PDZD2: variants seen among roughly 807,000 people sequenced by gnomAD.
The protein encoded by PDZD2 is PDZ domain-containing protein 2.
In PDZD2, 90 loss-of-function variants were observed where a neutral mutation model predicts 220.7. The ratio of observed to expected loss-of-function variants is 0.41; its 90% CI spans 0.34 to 0.49. PDZD2 has a LOEUF of 0.49. PDZD2 is among the 20% of genes least tolerant of loss of function. PDZD2 has a pLI of 0.28. For missense variants in PDZD2, 3,174 were observed against 3,608.5 expected, an observed-to-expected ratio of 0.88 and a Z score of 3.08; for synonymous variants, 1,375 against 1,450.5, an observed-to-expected ratio of 0.95 and a Z score of 1.18.
At chr5:31,910,048 A>G (rs1045427493) in intron 2 of PDZD2, among the ~76,000 whole-genome samples, 1 of 152,094 alleles carries the variant, frequency 6.6e-6, no homozygotes, top group Non-Finnish European at 1.5e-5. Flanking sequence ...CCTTACATGT[A>G]TTAACTCGTT....
chr5:32,077,591 C>T lies in PDZD2; in HGVS notation c.3667C>T (p.Gln1223Ter). 1 of 1,614,086 alleles carries T rather than the reference C, an allele frequency of 6.2e-7. No homozygotes were observed. The highest frequency in any genetic ancestry group is 2.2e-5 in the East Asian group (1 of 44,876). Residue 1223 changes from glutamine to a stop codon, truncating the protein, a stop_gained, in exon 19 of 25, where the codon CAA becomes TAA. Coordinates refer to ENST00000438447, the MANE Select transcript of PDZD2 (RefSeq NM_178140.4). LOFTEE classifies it high-confidence loss of function. ...GCCCAAAGCTGCATCAGAGCTGGGG[C>T]AACAACCCATGACTGGTAAGATTAT... is the stretch of plus-strand genomic sequence containing the variant. The part of the protein sequence containing the change: ...NLPKAASELG[Q>*]QPMTELDSSS...
At chr5:31,722,694 G>GTT (rs1326418281) in intron 1 of PDZD2, among the ~76,000 whole-genome samples, 3 of 137,642 alleles carry the variant, frequency 2.2e-5, no homozygotes, top group African/African-American at 2.7e-5. Flanking sequence ...TTGTTTTTTT[G>GTT]TTGTTTTTTT....
intron 2 of PDZD2, among the ~76,000 whole-genome samples, chr5:31,878,607 T>C (rs1739555149): frequency 7.9e-6 from 1 of 126,588 alleles, no homozygotes; most frequent in Non-Finnish European, 1.6e-5. Flanking sequence ...TCGCCCAGGC[T>C]GGAGTGCAGT....
intron 19 of PDZD2, among the ~76,000 whole-genome samples, chr5:32,084,948 CTTTTTTTTTTTTTT>C (rs745430355): frequency 1.1e-5 from 1 of 94,492 alleles, no homozygotes; most frequent in African/African-American, 4.3e-5. Flanking sequence ...ATTCTGTTGC[CTTTTTTTTTTTTTT>C]TTTTTTTTTT....
At chr5:31,840,562 G>A (rs1757243362) in intron 2 of PDZD2, 1 of 682,540 alleles carries the variant, frequency 1.5e-6, no homozygotes, top group East Asian at 2.6e-5. Flanking sequence ...CACAAAATGT[G>A]CTTCTCTGCG....
rs1313070455 is a variant in PDZD2, at chr5:31,639,473, G to C, written c.-361+36G>C. The C allele has an allele frequency of 6.6e-6, 1 of 152,020 alleles. No homozygotes were observed. Among genetic ancestry groups the C allele is most frequent in the East Asian group, 1.9e-4 (1 of 5,160 alleles). 9.4% of individuals were successfully genotyped at this position (152,020 alleles called of 1,614,324 possible). A position where few individuals can be genotyped will look rare whatever the true frequency, so the allele number is the denominator to read the frequency against. The stretch of plus-strand genomic sequence containing the variant: ...CGTCCCGCTGCAGCCGGGACGCGCG[G>C]CTCCGGGTGGGCAGGGGATGGGGGA... On this transcript the variant is annotated intron_variant, in intron 1 of 24. Transcript: ENST00000438447. The surrounding 1 kb of genome is among the most constrained non-coding windows in gnomAD (Gnocchi z 4.1).
intron 2 of PDZD2, among the ~76,000 whole-genome samples, chr5:31,979,372 C>G (rs2111844136): frequency 6.6e-6 from 1 of 152,160 alleles, no homozygotes; most frequent in South Asian, 2.1e-4. Flanking sequence ...GAGTTCCAGA[C>G]CAGCCTGTCC....
At chr5:31,734,943 A>C (rs765972183) in intron 1 of PDZD2, among the ~76,000 whole-genome samples, 1 of 152,210 alleles carries the variant, frequency 6.6e-6, no homozygotes, top group South Asian at 2.1e-4. Context: ...CAATTCCTCG[A>C]GGATTTTTTG....
At chr5:31,662,530 CA>C (rs1745807422) in intron 1 of PDZD2, among the ~76,000 whole-genome samples, 4 of 152,062 alleles carry the variant, frequency 2.6e-5, no homozygotes, top group Non-Finnish European at 5.9e-5. Flanking sequence ...GAGATCAAGG[CA>C]CCAGCAGATT....
intron 6 of PDZD2, among the ~76,000 whole-genome samples, chr5:32,021,562 T>C (rs1027197013): frequency 1.3e-5 from 2 of 152,070 alleles, no homozygotes; most frequent in African/African-American, 4.8e-5. Flanking sequence ...CCCCCCAAAG[T>C]GCTGGGATTA....
intron 1 of PDZD2, among the ~76,000 whole-genome samples, chr5:31,652,007 T>TTTC (rs1403539217): frequency 6.7e-6 from 1 of 149,944 alleles, no homozygotes; most frequent in African/African-American, 2.4e-5. Context: ...TTTTTTTTTT[T>TTTC]TTTTTAGTAG....
At chr5:32,033,802 A>G (rs1306799804) in intron 6 of PDZD2, among the ~76,000 whole-genome samples, 1 of 152,100 alleles carries the variant, frequency 6.6e-6, no homozygotes, top group Non-Finnish European at 1.5e-5. Flanking sequence ...GTATTTTAGT[A>G]GAGATGGGGT....
chr5:31,688,243 G>GAA (rs5867093), intron 1 of PDZD2, among the ~76,000 whole-genome samples: 9 of 151,118 alleles, frequency 6.0e-5, no homozygotes, highest in African/African-American at 1.9e-4. Context: ...TCTTACAAAA[G>GAA]AAAAAAAAAA....
chr5:31,820,637 G>A (rs1344515137), intron 2 of PDZD2: 2 of 151,852 alleles, frequency 1.3e-5, no homozygotes, highest in Non-Finnish European at 1.5e-5. Context: ...TGCTTAAAAT[G>A]CTTGTGATCT....
chr5:31,924,834 T>C (rs1197701908), intron 2 of PDZD2, among the ~76,000 whole-genome samples: 3 of 152,240 alleles, frequency 2.0e-5, no homozygotes, highest in Middle Eastern at 3.2e-3. Flanking sequence ...GCTGGTGATA[T>C]TGGCCCAGAA....
intron 2 of PDZD2, among the ~76,000 whole-genome samples, chr5:31,892,363 A>C (rs1741123021): frequency 6.6e-6 from 1 of 152,246 alleles, no homozygotes; most frequent in African/African-American, 2.4e-5. Flanking sequence ...CAAGAGCAAG[A>C]TGTATTTACT....
At chr5:31,990,128 G>A (rs1212901971) in intron 3 of PDZD2, among the ~76,000 whole-genome samples, 2 of 152,232 alleles carry the variant, frequency 1.3e-5, no homozygotes, top group Non-Finnish European at 2.9e-5. Context: ...ACTAGCGCCG[G>A]AGTATTTACG....
At chr5:31,850,130 GTGTGTA>G (rs1757935815) in intron 2 of PDZD2, among the ~76,000 whole-genome samples, 1 of 132,764 alleles carries the variant, frequency 7.5e-6, no homozygotes, top group Non-Finnish European at 1.6e-5. Flanking sequence ...GTATATATGT[GTGTGTA>G]TATATATAAG....
chr5:32,005,349 TA>T (rs1752713238), intron 5 of PDZD2, among the ~76,000 whole-genome samples: 1 of 152,222 alleles, frequency 6.6e-6, no homozygotes. Context: ...TATTTGCTTA[TA>T]GTAGGAGCTT....
Sources: allele counts gnomAD v4.1 joint callset (sites outside exome capture counted in the v4.1 genomes callset), GRCh38; gene constraint gnomAD v4.1.1; non-coding constraint Gnocchi (gnomAD v3.1); transcripts MANE v1.5; gene names NCBI Gene and HGNC (gene_info 2026-07-23, HGNC 2026-07-21).